The following IGF2BP2 variants were observed in gnomAD, a reference collection of about 807,000 sequenced individuals.
IGF2BP2 encodes insulin like growth factor 2 mRNA binding protein 2, also known as insulin-like growth factor 2 mRNA-binding protein 2.
A neutral mutation model predicts 75.8 loss-of-function variants in IGF2BP2; 17 were observed. The observed-to-expected ratio is 0.22, with a 90% confidence interval of 0.15 to 0.34. The LOEUF (loss-of-function observed/expected upper bound fraction) is 0.34. Among genes scored for constraint, IGF2BP2 ranks in the 10% least tolerant of loss-of-function variants. The pLI is 1.00. For missense variants in IGF2BP2, 516 were observed against 772.4 expected (o/e 0.67, Z 3.93); for synonymous variants, 288 against 295.6 (o/e 0.97, Z 0.26).
intron 2 of IGF2BP2, among the ~76,000 whole-genome samples, chr3:185,761,395 G>A (rs1197928081): frequency 1.3e-5 from 2 of 152,188 alleles, no homozygotes; most frequent in Non-Finnish European, 2.9e-5. Context: ...TATCACTCCG[G>A]GGCCCTGGGC....
At chr3:185,791,152 T>C (rs1447113408) in intron 2 of IGF2BP2, among the ~76,000 whole-genome samples, 2 of 152,238 alleles carry the variant, frequency 1.3e-5, no homozygotes, top group Non-Finnish European at 1.5e-5. Flanking sequence ...TGGAACTGTA[T>C]TGGTCCACTG....
At chr3:185,760,440 T>A (rs964212052) in intron 2 of IGF2BP2, among the ~76,000 whole-genome samples, 4 of 152,236 alleles carry the variant, frequency 2.6e-5, no homozygotes, top group African/African-American at 9.6e-5. Context: ...TACAGTTCAA[T>A]GATTTCTAGC....
intron 2 of IGF2BP2, among the ~76,000 whole-genome samples, chr3:185,733,836 C>T (rs1157548011): frequency 6.6e-6 from 1 of 151,976 alleles, no homozygotes; most frequent in African/African-American, 2.4e-5. Context: ...AACAAACAAA[C>T]AGTAGTTTAG....
At position 185,821,175 on chromosome 3, in the gene IGF2BP2, A is replaced by AG. The variant is rs1741329483; in HGVS notation, c.239+1977dup. On this transcript the variant is annotated intron_variant, in intron 2 of 15. Coordinates refer to ENST00000382199, the MANE Select transcript of IGF2BP2 (RefSeq NM_006548.6). ...TTCTGCATTTAAACTAATAAAGGAA[A>AG]GGAAAAAAAAATTAAAACCATCCAA... 3.5e-6 allele frequency: 5 copies of AG among 1,433,076 alleles called. No individual in the cohort carries two copies. In the African/African-American group the frequency reaches 5.8e-5, roughly 17 times the overall value. The allele number at this position is 1,433,076 out of a possible 1,614,324, so 88.8% of individuals were successfully genotyped here.
intron 2 of IGF2BP2, among the ~76,000 whole-genome samples, chr3:185,711,084 C>A (rs1043810109): frequency 1.3e-5 from 2 of 152,218 alleles, no homozygotes; most frequent in African/African-American, 2.4e-5. Context: ...ATAAATTATT[C>A]TTATTATTAA....
chr3:185,700,821 T>C (rs929586138), intron 2 of IGF2BP2, among the ~76,000 whole-genome samples: 3 of 151,550 alleles, frequency 2.0e-5, no homozygotes, highest in Admixed American at 2.0e-4. Flanking sequence ...CAACGAGAGA[T>C]GAATACATAT....
intron 10 of IGF2BP2, among the ~76,000 whole-genome samples, chr3:185,665,250 GGAGA>G (rs1717157377): frequency 9.6e-5 from 14 of 145,078 alleles, no homozygotes; most frequent in African/African-American, 2.8e-4. Context: ...AGGAGAAGAA[GGAGA>G]AGGAGGAGGA....
intron 10 of IGF2BP2, among the ~76,000 whole-genome samples, chr3:185,665,962 G>T (rs560692502): frequency 2.6e-5 from 4 of 151,652 alleles, no homozygotes; most frequent in African/African-American, 4.8e-5. Flanking sequence ...GCGAGACTCT[G>T]TCTCTAGATA....
Position 185,647,114 on chromosome 3 carries a change from T to C in IGF2BP2, c.1618A>G (p.Ser540Gly). The C allele has an allele frequency of 1.2e-6, 2 of 1,614,078 alleles. No individual in the cohort carries two copies. Among genetic ancestry groups the C allele is most frequent in the Middle Eastern group, 1.6e-4 (1 of 6,062 alleles). Residue 540 changes from serine to glycine, a missense_variant, in exon 15 of 16, where the codon AGT (serine) becomes GGT (glycine). Physicochemically the swap from Ser to Gly is moderately conservative, Grantham distance 56 (BLOSUM62 0). Transcript: ENST00000382199. This position sits in a 1 kb window ranked among gnomAD's most constrained non-coding sequence, Gnocchi z 4.9. Reference sequence around the variant, plus strand: ...TCACGAGGCACGATGACTTCTGCACTGGTTAAGTTCTGCAGTTCGTTCACC... The same window carrying C: ...TCACGAGGCACGATGACTTCTGCACCGGTTAAGTTCTGCAGTTCGTTCACC... ...KTVNELQNLT[S>G]AEVIVPRDQT...
At chr3:185,813,743 T>G (rs1740227427) in intron 2 of IGF2BP2, among the ~76,000 whole-genome samples, 1 of 152,110 alleles carries the variant, frequency 6.6e-6, no homozygotes, top group South Asian at 2.1e-4. Context: ...ACAGAACCCA[T>G]ACATTCCAAC....
chr3:185,806,511 C>T (rs1739054371), intron 2 of IGF2BP2, among the ~76,000 whole-genome samples: 1 of 152,150 alleles, frequency 6.6e-6, no homozygotes, highest in African/African-American at 2.4e-5. Flanking sequence ...TTATCAGAAC[C>T]TTTCAAAGAA....
chr3:185,802,790 A>G (rs6767484), intron 2 of IGF2BP2, among the ~76,000 whole-genome samples: 59,118 of 151,996 alleles, frequency 0.39, 12,433 homozygotes, highest in African/African-American at 0.57. Context: ...TATTCAGAAG[A>G]AAAAGCTTTT....
chr3:185,770,589 C>T (rs919611946), intron 2 of IGF2BP2, among the ~76,000 whole-genome samples: 1 of 152,170 alleles, frequency 6.6e-6, no homozygotes, highest in Non-Finnish European at 1.5e-5. Context: ...ACTCAAGACT[C>T]ACCCAGAGTC....
chr3:185,671,873 T>C, intron 10 of IGF2BP2, among the ~76,000 whole-genome samples: 1 of 152,110 alleles, frequency 6.6e-6, no homozygotes, highest in Non-Finnish European at 1.5e-5. Flanking sequence ...TAGAGAAAAA[T>C]TAGGAATGAA....
rs1309230547 is a variant in IGF2BP2 at position 185,660,286 on chromosome 3, C to G, written c.1201-1877G>C. ...CCAGGAAGACGATTCCAACAGTGGT[C>G]AGACGTGGCTGAGGTTTGGAGTCTG... is the stretch of plus-strand genomic sequence containing the variant. On this transcript the variant is annotated intron_variant, in intron 10 of 15. Coordinates refer to ENST00000382199, the MANE Select transcript of IGF2BP2 (RefSeq NM_006548.6). Among the ~76,000 whole-genome samples, 3 of 152,216 alleles carry G rather than the reference C, an allele frequency of 2.0e-5. No individual in the cohort carries two copies. The East Asian group carries it at 5.8e-4, about 29-fold the overall frequency.
intron 7 of IGF2BP2, among the ~76,000 whole-genome samples, chr3:185,684,947 T>C (rs907104386): frequency 6.6e-6 from 1 of 152,118 alleles, no homozygotes; most frequent in Non-Finnish European, 1.5e-5. Flanking sequence ...TTCTAAGATA[T>C]TCAAACTCTA....
chr3:185,713,354 G>A (rs1476022612), intron 2 of IGF2BP2: 2 of 514,564 alleles, frequency 3.9e-6, no homozygotes, highest in African/African-American at 3.9e-5. Context: ...AAAATAATAT[G>A]CTTTAGCAGC....
At chr3:185,747,849 A>C (rs1384003857) in intron 2 of IGF2BP2, among the ~76,000 whole-genome samples, 4 of 45,888 alleles carry the variant, frequency 8.7e-5, no homozygotes, top group African/African-American at 6.7e-4. Flanking sequence ...CTCTACTCCA[A>C]TTTTATTTTA....
At chr3:185,801,489 C>CA (rs35823870) in intron 2 of IGF2BP2, among the ~76,000 whole-genome samples, 13,874 of 51,314 alleles carry the variant, frequency 0.27, 1,468 homozygotes, top group African/African-American at 0.4. Context: ...AACTCCATCT[C>CA]AAAAAAAAAA....
Sources: allele counts gnomAD v4.1 joint callset (sites outside exome capture counted in the v4.1 genomes callset), GRCh38; gene constraint gnomAD v4.1.1; non-coding constraint Gnocchi (gnomAD v3.1); transcripts MANE v1.5; gene names NCBI Gene and HGNC (gene_info 2026-07-23, HGNC 2026-07-21).